Variants in ABLIM1 observed in about 807,000 individuals in gnomAD.
ABLIM1 encodes the protein actin-binding LIM protein 1.
In ABLIM1, 40 loss-of-function variants were observed where a neutral mutation model predicts 107.0. The ratio of observed to expected loss-of-function variants is 0.37; its 90% CI spans 0.29 to 0.49. ABLIM1 has a LOEUF of 0.49. Ranked by LOEUF, ABLIM1 falls within the 20% of genes least tolerant of loss-of-function variation. The pLI, the probability that ABLIM1 is intolerant of heterozygous loss-of-function variation, is 0.97. For synonymous variants in ABLIM1, 357 were observed against 357.3 expected (o/e 1.00, Z 0.01); for missense variants, 857 against 1,008.5 (o/e 0.85, Z 2.04).
chr10:114,474,304 A>G (rs2067145295), intron 8 of ABLIM1, among the ~76,000 whole-genome samples: 1 of 151,296 alleles, frequency 6.6e-6, no homozygotes, highest in Non-Finnish European at 1.5e-5. Flanking sequence ...GATTATTGCA[A>G]TGGCCTCCCT....
At chr10:114,764,668 T>G (rs1225491489) in intron 1 of ABLIM1, 2 of 152,256 alleles carry the variant, frequency 1.3e-5, no homozygotes, top group East Asian at 3.9e-4. Flanking sequence ...TTCTTTTCCT[T>G]TTTTTAAACC....
chr10:114,719,159 T>C (rs1295982016), intron 1 of ABLIM1, among the ~76,000 whole-genome samples: 1 of 152,196 alleles, frequency 6.6e-6, no homozygotes, highest in Admixed American at 6.5e-5. Context: ...ACACCATTGA[T>C]CTCTCTGCCT....
intron 18 of ABLIM1, 85 bp from the exon 19 acceptor site, chr10:114,441,162 T>C: frequency 2.9e-6 from 4 of 1,370,850 alleles, no homozygotes; most frequent in Non-Finnish European, 4.0e-6. Context: ...GTTTACAAAA[T>C]CCTAGGAATT....
chr10:114,732,215 G>C (rs1406273345), intron 1 of ABLIM1, among the ~76,000 whole-genome samples: 1 of 120,352 alleles, frequency 8.3e-6, no homozygotes, highest in Non-Finnish European at 1.6e-5. Context: ...ACAGAGTCTC[G>C]CTCAGTCACC....
At chr10:114,649,981 G>T (rs577734502) in intron 1 of ABLIM1, among the ~76,000 whole-genome samples, 212 of 151,972 alleles carry the variant, frequency 1.4e-3, no homozygotes, top group African/African-American at 4.9e-3. Flanking sequence ...TCAGCCTCCT[G>T]AGTAGCTGGG....
chr10:114,646,896 C>T (rs938126307), intron 1 of ABLIM1, among the ~76,000 whole-genome samples: 19 of 152,320 alleles, frequency 1.2e-4, no homozygotes, highest in Admixed American at 5.2e-4. Flanking sequence ...TATTACTAAA[C>T]AATTAACTTC....
At chr10:114,644,328 T>TATATATAC (rs2078913484) in intron 1 of ABLIM1, among the ~76,000 whole-genome samples, 1 of 121,636 alleles carries the variant, frequency 8.2e-6, no homozygotes, top group Non-Finnish European at 1.6e-5. Flanking sequence ...TATATATATA[T>TATATATAC]ATGTGTATAT....
chr10:114,774,361 A>G, the ABLIM1 span, among the ~76,000 whole-genome samples: 1 of 152,192 alleles, frequency 6.6e-6, no homozygotes, highest in Non-Finnish European at 1.5e-5. Flanking sequence ...AGGTGGAGGG[A>G]GGAGAAACCC....
intron 2 of ABLIM1, among the ~76,000 whole-genome samples, chr10:114,588,635 C>T (rs932467638): frequency 6.6e-6 from 1 of 151,552 alleles, no homozygotes; most frequent in African/African-American, 2.4e-5. Context: ...GCTGGGACTA[C>T]AGGCAGGAAC....
chr10:114,524,589 A>G (rs1590896332), intron 6 of ABLIM1, among the ~76,000 whole-genome samples: 1 of 152,320 alleles, frequency 6.6e-6, no homozygotes, highest in East Asian at 1.9e-4. Flanking sequence ...ACAAACAACA[A>G]CAACAACAAA....
chr10:114,552,963 CAA>C (rs1197297150), intron 4 of ABLIM1, among the ~76,000 whole-genome samples: 1 of 152,148 alleles, frequency 6.6e-6, no homozygotes, highest in East Asian at 1.9e-4. Flanking sequence ...ATGAAAGAAG[CAA>C]AGACACAACT....
intron 1 of ABLIM1, among the ~76,000 whole-genome samples, chr10:114,678,012 A>G (rs1051405702): frequency 1.3e-5 from 2 of 152,212 alleles, no homozygotes; most frequent in African/African-American, 4.8e-5. Context: ...TGGTTTCCTG[A>G]TGGTTAAAAA....
chr10:114,627,188 G>A (rs1359290846), intron 1 of ABLIM1, among the ~76,000 whole-genome samples: 1 of 152,088 alleles, frequency 6.6e-6, no homozygotes, highest in Non-Finnish European at 1.5e-5. Context: ...CACCCAACCT[G>A]TTGTCAGGTC....
chr10:114,607,837 T>C (rs1211757304), intron 1 of ABLIM1, among the ~76,000 whole-genome samples: 1 of 152,196 alleles, frequency 6.6e-6, no homozygotes, highest in Non-Finnish European at 1.5e-5. Flanking sequence ...AAACGTAATG[T>C]GGGATCCTGG....
chr10:114,701,045 A>C (rs1394610324), intron 1 of ABLIM1, among the ~76,000 whole-genome samples: 1 of 152,152 alleles, frequency 6.6e-6, no homozygotes, highest in Non-Finnish European at 1.5e-5. Flanking sequence ...GCAGACATAT[A>C]ACCTGTATTT....
chr10:114,491,860 G>A lies in ABLIM1; in HGVS notation c.913C>T (p.His305Tyr). 1 of 1,608,466 alleles carries A rather than the reference G, an allele frequency of 6.2e-7. No homozygotes were observed. The highest frequency in any genetic ancestry group is 8.5e-7 in the Non-Finnish European group (1 of 1,175,700). ...KVLEAGDKHY[H>Y]PSCARCSRCN... The stretch of plus-strand genomic sequence containing the variant: ...CTGCTGCATCGTGCACAGCTGGGGT[G>A]GTAATGTTTGTCACCTGCCTGCAAG... The change falls in exon 7 of 23, where the codon CAC becomes TAC. Residue 305 changes from histidine to tyrosine, a missense_variant. This residue lies in a region of ABLIM1 where 381 missense variants were observed against 506.9 expected (regional missense o/e 0.75). Transcript: ENST00000533213.
intron 1 of ABLIM1, among the ~76,000 whole-genome samples, chr10:114,677,246 C>T (rs918607409): frequency 1.3e-5 from 2 of 152,154 alleles, no homozygotes; most frequent in African/African-American, 4.8e-5. Context: ...ATAGTAGGAG[C>T]TCAGTATATA....
chr10:114,689,327 A>C (rs2081018258), upstream of ABLIM1, among the ~76,000 whole-genome samples: 1 of 151,692 alleles, frequency 6.6e-6, no homozygotes. Flanking sequence ...AATGAAGATG[A>C]CAGAGTTCAC....
rs1025839251 is a variant in ABLIM1 at position 114,435,836 on chromosome 10, C to T, written c.*424G>A. On this transcript the variant is annotated 3_prime_UTR_variant, in exon 23 of 23. Transcript: ENST00000533213. ...TCACTCTTCCTTCTTAGCCGCAGCGCTACTTAATAAATATATTTATACTTT... is the reference window on the plus strand; with the variant it reads ...TCACTCTTCCTTCTTAGCCGCAGCGTTACTTAATAAATATATTTATACTTT... 1 of 157,268 alleles carries T rather than the reference C, an allele frequency of 6.4e-6. No homozygotes were observed. Among genetic ancestry groups the T allele is most frequent in the African/African-American group, 2.4e-5 (1 of 41,500 alleles). The allele number at this position is 157,268 out of a possible 1,614,324, so 9.7% of individuals were successfully genotyped here.
Sources: gnomAD v4.1 joint callset for allele counts (sites outside exome capture counted in the v4.1 genomes callset) on GRCh38, gnomAD v4.1.1 for gene constraint, gnomAD v4.1.1 regional missense constraint, MANE v1.5 for transcripts, NCBI Gene and HGNC (gene_info 2026-07-23, HGNC 2026-07-21) for gene names.